PTER: variants seen among roughly 807,000 people sequenced by gnomAD.
PTER encodes N-acetyltaurine hydrolase.
A neutral mutation model predicts 29.6 loss-of-function variants in PTER; 38 were observed. The ratio of observed to expected loss-of-function variants is 1.28; its 90% confidence interval spans 0.99 to 1.68. The LOEUF is 1.68. PTER is among the 40% of genes most tolerant of loss of function. The pLI is 0.00. For synonymous variants in PTER, 172 were observed against 154.5 expected (o/e 1.11, Z -0.84); for missense variants, 482 against 427.8 (o/e 1.13, Z -1.12).
chr10:16,457,627 T>C (rs542595395), intron 1 of PTER, among the ~76,000 whole-genome samples: 11 of 151,628 alleles, frequency 7.3e-5, no homozygotes, highest in Admixed American at 2.6e-4. Flanking sequence ...TGAGAAAGAG[T>C]CTCACTCTGT....
intron 1 of PTER, among the ~76,000 whole-genome samples, chr10:16,478,424 C>G (rs1287439840): frequency 6.6e-6 from 1 of 151,308 alleles, no homozygotes; most frequent in Admixed American, 6.6e-5. Flanking sequence ...ACCTCCGCCT[C>G]CCGGGTTCAA....
intron 3 of PTER, among the ~76,000 whole-genome samples, chr10:16,487,659 A>G (rs1835753885): frequency 6.6e-6 from 1 of 152,188 alleles, no homozygotes; most frequent in African/African-American, 2.4e-5. Context: ...TGAATGACTA[A>G]ATGAAGAAAT....
chr10:16,460,940 C>T (rs1655322320), intron 1 of PTER, among the ~76,000 whole-genome samples: 1 of 152,162 alleles, frequency 6.6e-6, no homozygotes, highest in South Asian at 2.1e-4. Context: ...TGGTCTCGAA[C>T]TCCTGACCTC....
At chr10:16,454,512 G>T (rs1834324107) in intron 1 of PTER, among the ~76,000 whole-genome samples, 1 of 151,536 alleles carries the variant, frequency 6.6e-6, no homozygotes, top group African/African-American at 2.4e-5. Flanking sequence ...GGAGGCAGAG[G>T]TTGCAATGAG....
At chr10:16,488,190 T>C (rs907549903) in intron 3 of PTER, among the ~76,000 whole-genome samples, 4 of 152,186 alleles carry the variant, frequency 2.6e-5, no homozygotes, top group Admixed American at 2.6e-4. Context: ...ACTGATAAAG[T>C]AGAGGCATGC....
chr10:16,515,297 A>G (rs1410302741), downstream of PTER, among the ~76,000 whole-genome samples: 4 of 151,614 alleles, frequency 2.6e-5, no homozygotes, highest in Non-Finnish European at 4.4e-5. Flanking sequence ...CCCCTTTACC[A>G]GGCTGCTTCA....
chr10:16,482,947 A>C (rs1277497509), intron 1 of PTER, among the ~76,000 whole-genome samples: 1 of 151,864 alleles, frequency 6.6e-6, no homozygotes, highest in Non-Finnish European at 1.5e-5. Flanking sequence ...ACACTTGGCA[A>C]ATTTTTGTAT....
chr10:16,499,860 GT>G (rs1028481917), intron 3 of PTER, among the ~76,000 whole-genome samples: 2 of 151,698 alleles, frequency 1.3e-5, no homozygotes, highest in East Asian at 3.9e-4. Flanking sequence ...GTATGTCTTG[GT>G]TTTTTTTATG....
chr10:16,504,609 C>T (rs2077751257), intron 3 of PTER, among the ~76,000 whole-genome samples: 2 of 152,290 alleles, frequency 1.3e-5, no homozygotes, highest in South Asian at 4.1e-4. Context: ...TTCACCAGAC[C>T]TGAGGCCAGA....
intron 1 of PTER, among the ~76,000 whole-genome samples, chr10:16,469,003 C>A (rs1834947786): frequency 6.6e-6 from 1 of 151,732 alleles, no homozygotes; most frequent in Non-Finnish European, 1.5e-5. Context: ...AAACAAAAAT[C>A]AGAAGAAGTG....
chr10:16,513,097 T>C lies in PTER; in HGVS notation c.*1841T>C, dbSNP rs1484919024. On this transcript the variant is annotated 3_prime_UTR_variant, in exon 5 of 5. Transcript: ENST00000535784. Reference sequence around the variant, plus strand: ...GTCTGCAGTCCTCATATTAACAGTCTGTCACAGAATGCAGTTAAAGTATTG... The same window carrying C: ...GTCTGCAGTCCTCATATTAACAGTCCGTCACAGAATGCAGTTAAAGTATTG... The C allele has an allele frequency of 2.0e-5, 3 of 152,242 alleles. No homozygotes were observed. The highest frequency in any genetic ancestry group is 6.6e-5 in the Admixed American group (1 of 15,264). 9.4% of individuals were successfully genotyped at this position (152,242 alleles called of 1,614,324 possible).
intron 1 of PTER, among the ~76,000 whole-genome samples, chr10:16,462,324 A>G (rs975163934): frequency 1.3e-5 from 2 of 152,090 alleles, no homozygotes; most frequent in African/African-American, 2.4e-5. Flanking sequence ...GGATTGAGAG[A>G]GCAGTGGATA....
chr10:16,472,584 T>C (rs1292616380), intron 1 of PTER, among the ~76,000 whole-genome samples: 1 of 152,138 alleles, frequency 6.6e-6, no homozygotes, highest in Non-Finnish European at 1.5e-5. Flanking sequence ...GAATTGTGAG[T>C]CCATTAAACC....
chr10:16,446,310 C>T (rs1834011272), intron 1 of PTER, among the ~76,000 whole-genome samples: 1 of 151,870 alleles, frequency 6.6e-6, no homozygotes, highest in African/African-American at 2.4e-5. Flanking sequence ...CCACCACCTC[C>T]CGGGTTCAAG....
At chr10:16,437,681 G>T (rs1300869329) in intron 1 of PTER, among the ~76,000 whole-genome samples, 1 of 152,134 alleles carries the variant, frequency 6.6e-6, no homozygotes, top group Non-Finnish European at 1.5e-5. Context: ...TCTGAGTCCT[G>T]TGCACTCTTG....
chr10:16,516,671 A>G (rs985001407), downstream of PTER, among the ~76,000 whole-genome samples: 1 of 152,202 alleles, frequency 6.6e-6, no homozygotes, highest in Admixed American at 6.5e-5. Context: ...CTTGATTTAG[A>G]CACAATAATC....
downstream of PTER, chr10:16,514,851 T>C: frequency 3.1e-6 from 2 of 636,994 alleles, no homozygotes; most frequent in Non-Finnish European, 5.4e-6. Flanking sequence ...CAGAGCTTTA[T>C]GAGGATAGTG....
intron 3 of PTER, among the ~76,000 whole-genome samples, chr10:16,500,607 C>G (rs1259612830): frequency 6.6e-6 from 1 of 152,190 alleles, no homozygotes; most frequent in Non-Finnish European, 1.5e-5. Context: ...CAGTGTTAGT[C>G]TTCCTCTAGA....
chr10:16,503,485 A>G (rs1200234932), intron 3 of PTER, among the ~76,000 whole-genome samples: 1 of 151,744 alleles, frequency 6.6e-6, no homozygotes, highest in African/African-American at 2.4e-5. Flanking sequence ...GCTCACTGCA[A>G]CCTCCGTCTC....
Sources: allele counts gnomAD v4.1 joint callset (sites outside exome capture counted in the v4.1 genomes callset), GRCh38; gene constraint gnomAD v4.1.1; transcripts MANE v1.5; gene names NCBI Gene and HGNC (gene_info 2026-07-23, HGNC 2026-07-21).